The following HORMAD2 variants were observed in gnomAD, a reference collection of about 807,000 sequenced individuals.
HORMAD2 encodes the protein HORMA domain containing 2, also known as HORMA domain-containing protein 2.
HORMAD2 carries 45 observed loss-of-function variants against 38.8 expected under a neutral mutation model. The ratio of observed to expected loss-of-function variants is 1.16; its 90% confidence interval spans 0.91 to 1.49. HORMAD2 has a LOEUF of 1.49. Among genes scored for constraint, HORMAD2 ranks in the 40% most tolerant of loss-of-function variants. The pLI is 0.00. For missense variants in HORMAD2, 338 were observed against 367.0 expected (o/e 0.92, Z 0.65); for synonymous variants, 126 against 122.8 (o/e 1.03, Z -0.17).
chr22:30,151,435 T>C (rs938830896), intron 10 of HORMAD2, among the ~76,000 whole-genome samples: 7 of 152,200 alleles, frequency 4.6e-5, no homozygotes, highest in African/African-American at 1.7e-4. Flanking sequence ...TGGTCTGAAG[T>C]ATAAATATAA....
At chr22:30,169,664 G>T (rs1264590027) in intron 10 of HORMAD2, among the ~76,000 whole-genome samples, 1 of 152,138 alleles carries the variant, frequency 6.6e-6, no homozygotes, top group Non-Finnish European at 1.5e-5. Context: ...AGTTCACATA[G>T]TCAACACCTG....
At chr22:30,200,952 G>A in the HORMAD2 span, among the ~76,000 whole-genome samples, 2 of 151,914 alleles carry the variant, frequency 1.3e-5, no homozygotes, top group Admixed American at 6.6e-5. Flanking sequence ...GTTTCACCAC[G>A]TTGACCAGGC....
rs750796623 is a variant in HORMAD2, at chr22:30,129,217, CAAAAAAAAAAAAAA to C, written c.819+7029_819+7042del. ...TGGGTGGCAGAGTGAGACTCTATCT[CAAAAAAAAAAAAAA>C]AAAAAAAAAAAAAAAAAAAAAAAAA... On this transcript the variant is annotated intron_variant, in intron 10 of 10. Coordinates refer to ENST00000336726, the MANE Select transcript of HORMAD2 (RefSeq NM_152510.4). Among the ~76,000 whole-genome samples the C allele has an allele frequency of 7.1e-4, 16 of 22,642 alleles. No homozygotes were observed. The East Asian group carries it at 7.9e-3, about 11-fold the overall frequency. 14.9% of individuals were successfully genotyped at this position (22,642 alleles called of 152,430 possible). A position where few individuals can be genotyped will look rare whatever the true frequency, so the allele number is the denominator to read the frequency against.
intron 10 of HORMAD2, among the ~76,000 whole-genome samples, chr22:30,155,088 A>AG (rs1924984321): frequency 6.6e-6 from 1 of 151,748 alleles, no homozygotes; most frequent in African/African-American, 2.4e-5. Flanking sequence ...AAAAAAAAAA[A>AG]AAAAGAAAGA....
At chr22:30,131,217 A>C (rs773842569) in intron 10 of HORMAD2, among the ~76,000 whole-genome samples, 66 of 152,312 alleles carry the variant, frequency 4.3e-4, no homozygotes, top group Admixed American at 7.2e-4. Context: ...CAATCTCCTT[A>C]AAAAATTCTA....
chr22:30,196,123 C>T, the HORMAD2 span, among the ~76,000 whole-genome samples: 1 of 152,224 alleles, frequency 6.6e-6, no homozygotes, highest in South Asian at 2.1e-4. Context: ...CACGTAATCC[C>T]CTCAATCCAA....
intron 7 of HORMAD2, among the ~76,000 whole-genome samples, chr22:30,117,458 TTTTA>T (rs556384194): frequency 0.015 from 1,741 of 114,430 alleles, 14 homozygotes; most frequent in Non-Finnish European, 0.02. Flanking sequence ...AATTTAGTTA[TTTTA>T]TTTATTTATT....
chr22:30,139,253 A>AATATAT (rs1923887283), intron 10 of HORMAD2, among the ~76,000 whole-genome samples: 2 of 30,012 alleles, frequency 6.7e-5, no homozygotes, highest in African/African-American at 1.8e-4. Context: ...TATGAACTGT[A>AATATAT]CTATATATAT....
chr22:30,207,082 C>T, the HORMAD2 span: 1 of 470,742 alleles, frequency 2.1e-6, no homozygotes, highest in South Asian at 1.6e-5. Flanking sequence ...TTGGACATCC[C>T]AGCTCAGCGG....
At chr22:30,201,146 C>T in the HORMAD2 span, among the ~76,000 whole-genome samples, 18,019 of 152,114 alleles carry the variant, frequency 0.12, 2,051 homozygotes, top group African/African-American at 0.28. Context: ...AGAATCTGTT[C>T]GATGCCTCTC....
chr22:30,141,078 A>G (rs1924036678), intron 10 of HORMAD2, among the ~76,000 whole-genome samples: 1 of 151,966 alleles, frequency 6.6e-6, no homozygotes, highest in Non-Finnish European at 1.5e-5. Context: ...GCTCACTGCA[A>G]CCTCTGCCTC....
downstream of HORMAD2, among the ~76,000 whole-genome samples, chr22:30,181,772 T>C (rs1202834620): frequency 6.6e-6 from 1 of 152,178 alleles, no homozygotes; most frequent in East Asian, 1.9e-4. Context: ...TATTAAAGAA[T>C]TTTCCCCCAA....
At chr22:30,199,749 T>C in the HORMAD2 span, among the ~76,000 whole-genome samples, 1 of 151,944 alleles carries the variant, frequency 6.6e-6, no homozygotes, top group South Asian at 2.1e-4. Flanking sequence ...TTTTTTTTTT[T>C]CAATTAGTCT....
downstream of HORMAD2, among the ~76,000 whole-genome samples, chr22:30,180,489 T>C (rs2123758291): frequency 6.6e-6 from 1 of 152,310 alleles, no homozygotes; most frequent in South Asian, 2.1e-4. Flanking sequence ...TTTTTCATCT[T>C]CCTTTTAGCA....
the HORMAD2 span, among the ~76,000 whole-genome samples, chr22:30,182,150 T>C: frequency 1.3e-5 from 2 of 152,200 alleles, no homozygotes; most frequent in Admixed American, 6.5e-5. Context: ...GCTGTATGAC[T>C]CTGTTCGACA....
At chr22:30,123,990 C>CTT (rs966621461) in intron 10 of HORMAD2, among the ~76,000 whole-genome samples, 1 of 143,510 alleles carries the variant, frequency 7.0e-6, no homozygotes, top group Non-Finnish European at 1.5e-5. Context: ...GAATTTCTTT[C>CTT]TTTTTTTTTT....
intron 10 of HORMAD2, among the ~76,000 whole-genome samples, chr22:30,133,970 C>T (rs1262535877): frequency 6.6e-6 from 1 of 152,062 alleles, no homozygotes; most frequent in Non-Finnish European, 1.5e-5. Flanking sequence ...CCTAGGTGTG[C>T]TTTTTTTCTG....
At chr22:30,152,693 A>T (rs1197822972) in intron 10 of HORMAD2, among the ~76,000 whole-genome samples, 1 of 152,054 alleles carries the variant, frequency 6.6e-6, no homozygotes, top group Non-Finnish European at 1.5e-5. Flanking sequence ...TCTATGATAT[A>T]CTTCTCATTC....
chr22:30,179,514 G>T (rs184097287), downstream of HORMAD2, among the ~76,000 whole-genome samples: 438 of 152,274 alleles, frequency 2.9e-3, 1 homozygote, highest in Non-Finnish European at 3.9e-3. Context: ...ATGGGCCCTT[G>T]GGTTATCCAT....
Sources: allele counts gnomAD v4.1 joint callset (sites outside exome capture counted in the v4.1 genomes callset), GRCh38; gene constraint gnomAD v4.1.1; transcripts MANE v1.5; gene names NCBI Gene and HGNC (gene_info 2026-07-23, HGNC 2026-07-21).